Variants in SELENOP observed in about 807,000 individuals in gnomAD.
SELENOP encodes selenoprotein P.
Under a neutral mutation model 41.0 loss-of-function variants are expected in SELENOP, and 36 were observed. The ratio of observed to expected loss-of-function variants is 0.88; its 90% confidence interval spans 0.67 to 1.16. The LOEUF is 1.16. Ranked by LOEUF, SELENOP falls within the 50% of genes most tolerant of loss-of-function variation. The pLI is 0.00. For missense variants in SELENOP, 440 were observed against 454.2 expected, an observed-to-expected ratio of 0.97 and a Z score of 0.28; for synonymous variants, 144 against 150.8, an observed-to-expected ratio of 0.95 and a Z score of 0.33.
chr5:42,801,522 G>C, intron 4 of SELENOP, 191 bp from the exon 5 acceptor site: 1 of 529,770 alleles, frequency 1.9e-6, no homozygotes. Flanking sequence ...GGCTTAAAAA[G>C]AAAGCCAAAC....
At chr5:42,802,070 A>G (rs1030550037) in intron 4 of SELENOP, 4 of 152,218 alleles carry the variant, frequency 2.6e-5, no homozygotes, top group African/African-American at 9.7e-5. Context: ...CAAATGTGTT[A>G]GTTTTTCATA....
rs969474544 is a variant in SELENOP at position 42,800,651 on chromosome 5, A to C, written c.*69T>G. The stretch of plus-strand genomic sequence containing the variant: ...TCTATTTTTGGTTCACTAATTTGGT[A>C]GTTTATAAAAATGCTGGAAATGAAA... On this transcript the variant is annotated 3_prime_UTR_variant, in exon 5 of 5. Transcript: ENST00000514985. 2.7e-6 allele frequency: 4 copies of C among 1,486,494 alleles called. No homozygotes were observed. In the African/African-American group the frequency reaches 4.2e-5, roughly 16 times the overall value. 92.1% of individuals were successfully genotyped at this position (1,486,494 alleles called of 1,614,324 possible).
At chr5:42,803,099 T>C (rs1760249954) in intron 4 of SELENOP, among the ~76,000 whole-genome samples, 1 of 152,166 alleles carries the variant, frequency 6.6e-6, no homozygotes, top group Non-Finnish European at 1.5e-5. Context: ...TAATCAGTGG[T>C]ATCTAGGAGA....
intron 1 of SELENOP, among the ~76,000 whole-genome samples, chr5:42,811,097 C>T (rs1166257735): frequency 2.6e-5 from 4 of 152,082 alleles, no homozygotes; most frequent in Non-Finnish European, 5.9e-5. Flanking sequence ...TTTTCAATTG[C>T]GAAACTTAAA....
intron 4 of SELENOP, chr5:42,801,787 G>C: frequency 1.3e-5 from 2 of 159,994 alleles, no homozygotes; most frequent in Non-Finnish European, 2.7e-5. Flanking sequence ...TGTGGTGTCA[G>C]ATGCCTGTAG....
intron 1 of SELENOP, chr5:42,810,811 C>A: frequency 9.7e-7 from 1 of 1,026,866 alleles, no homozygotes; most frequent in African/African-American, 1.7e-5. Flanking sequence ...AAGACTGTTT[C>A]ACTCATTTCC....
intron 3 of SELENOP, 152 bp from the exon 4 acceptor site, chr5:42,804,925 G>T: frequency 4.1e-6 from 2 of 492,360 alleles, no homozygotes; most frequent in Non-Finnish European, 3.6e-6. Flanking sequence ...AGCTACAAAT[G>T]AGCTCCCAGG....
chr5:42,810,154 C>T (rs1303612783), intron 1 of SELENOP, among the ~76,000 whole-genome samples: 1 of 152,110 alleles, frequency 6.6e-6, no homozygotes, highest in East Asian at 1.9e-4. Context: ...GAGAGAAAGT[C>T]AGTCACAAAA....
chr5:42,810,752 C>A, intron 1 of SELENOP: 1 of 1,101,100 alleles, frequency 9.1e-7, no homozygotes, highest in Non-Finnish European at 1.2e-6. Context: ...GCCACCGCGT[C>A]CAGCCCAGAG....
rs370590668 is a variant in SELENOP at position 42,801,097 on chromosome 5, G to T, written c.769C>A (p.His257Asn). The T allele has an allele frequency of 1.4e-5, 23 of 1,614,012 alleles. No individual in the cohort carries two copies. Among genetic ancestry groups the T allele is most frequent in the Non-Finnish European group, 1.9e-5 (22 of 1,180,026 alleles). Residue 257 changes from histidine to asparagine, a missense_variant, in exon 5 of 5, where the codon CAC (histidine) becomes AAC (asparagine). Coordinates refer to ENST00000514985, the MANE Select transcript of SELENOP (RefSeq NM_005410.4). ...GCTGGCATATCTCGGTTCTCTGGGTGACCCTGCCTATGCTGACCCTTGTGC... is the reference window on the plus strand; with the variant it reads ...GCTGGCATATCTCGGTTCTCTGGGTTACCCTGCCTATGCTGACCCTTGTGC... Reference protein sequence around the residue: ...HKHKGQHRQGHPENRDMPASE... With the variant: ...HKHKGQHRQGNPENRDMPASE...
rs1760375535 is a variant in SELENOP at position 42,808,209 on chromosome 5, C to G, written c.145G>C (p.Val49Leu). ...QDPMLNSNGS[V>L]TVVALLQASU... ...GCTTGAAGAAGAGCAACCACAGTCA[C>G]TGAACCATTGGAGTTTAGCATTGGA... is the stretch of plus-strand genomic sequence containing the variant. Residue 49 changes from valine to leucine, a missense_variant, in exon 2 of 5, where the codon GTG (valine) becomes CTG (leucine). Transcript: ENST00000514985. 6.3e-7 allele frequency: 1 copy of G among 1,582,542 alleles called. No homozygotes were observed. Among genetic ancestry groups the G allele is most frequent in the African/African-American group, 1.4e-5 (1 of 73,212 alleles).
intron 2 of SELENOP, chr5:42,807,600 A>G (rs1434233469): frequency 6.4e-6 from 1 of 155,684 alleles, no homozygotes; most frequent in Non-Finnish European, 1.4e-5. Context: ...TAGGTTATAC[A>G]TGCCATTTTA....
rs28919910 is a variant in SELENOP, at chr5:42,804,068, C to CA, written c.534+587dup. Among the ~76,000 whole-genome samples, 459 of 152,328 alleles carry CA rather than the reference C, an allele frequency of 3.0e-3. 1 individual carries two copies. The highest frequency in any genetic ancestry group is 0.011 in the African/African-American group (444 of 41,572). ...AATTTTTTGAGCACTTATGCCCATGCAACGTCATTTGGTGGTAACTGAAAT... is the reference window on the plus strand; with the variant it reads ...AATTTTTTGAGCACTTATGCCCATGCAAACGTCATTTGGTGGTAACTGAAAT... On this transcript the variant is annotated intron_variant, in intron 4 of 4. Coordinates refer to ENST00000514985, the MANE Select transcript of SELENOP (RefSeq NM_005410.4).
intron 1 of SELENOP, among the ~76,000 whole-genome samples, chr5:42,808,919 C>CA (rs35616713): frequency 0.014 from 1,480 of 104,482 alleles, 19 homozygotes; most frequent in African/African-American, 0.048. Flanking sequence ...GACTCTGTCT[C>CA]AAAAAAAAAA....
chr5:42,808,029 C>T, intron 2 of SELENOP, 122 bp downstream of exon 2: 1 of 441,900 alleles, frequency 2.3e-6, no homozygotes, highest in Non-Finnish European at 3.8e-6. Context: ...TATGCAAACA[C>T]ATAGTTTTTC....
chr5:42,810,542 C>T (rs1190309428), intron 1 of SELENOP: 2 of 152,746 alleles, frequency 1.3e-5, no homozygotes, highest in African/African-American at 4.8e-5. Context: ...TCACTGCAAA[C>T]TTCGCCTCCC....
rs540913973 is a variant in SELENOP at position 42,801,683 on chromosome 5, G to A, written c.535-352C>T. 1.1e-4 allele frequency: 31 copies of A among 280,678 alleles called. 1 individual carries two copies. Among genetic ancestry groups the A allele is most frequent in the East Asian group, 6.7e-4 (11 of 16,378 alleles). The allele number at this position is 280,678 out of a possible 1,614,324, so 17.4% of individuals were successfully genotyped here. A position where few individuals can be genotyped will look rare whatever the true frequency, so the allele number is the denominator to read the frequency against. Reference sequence around the variant, plus strand: ...TGTAATCCCACCACTTTGGGTGGCCGAGGGGGGCAGATTACTTGGGCTCAG... The same window carrying A: ...TGTAATCCCACCACTTTGGGTGGCCAAGGGGGGCAGATTACTTGGGCTCAG... On this transcript the variant is annotated intron_variant, in intron 4 of 4. Transcript: ENST00000514985.
intron 3 of SELENOP, 155 bp downstream of exon 3, chr5:42,806,741 C>G (rs201396449): frequency 2.2e-6 from 1 of 448,806 alleles, no homozygotes; most frequent in Non-Finnish European, 4.0e-6. Context: ...GTGATTTTTA[C>G]TTCTAAATGT....
intron 1 of SELENOP, among the ~76,000 whole-genome samples, chr5:42,809,174 A>T (rs2111650197): frequency 6.6e-6 from 1 of 152,284 alleles, no homozygotes; most frequent in Middle Eastern, 3.4e-3. Flanking sequence ...CCAAGTAGAA[A>T]TATCACACAT....
Sources: allele counts gnomAD v4.1 joint callset (sites outside exome capture counted in the v4.1 genomes callset), GRCh38; gene constraint gnomAD v4.1.1; transcripts MANE v1.5; gene names NCBI Gene and HGNC (gene_info 2026-07-23, HGNC 2026-07-21).